SEMA5A: variants seen among roughly 807,000 people sequenced by gnomAD.
The protein encoded by SEMA5A is semaphorin 5A.
Under a neutral mutation model 135.5 loss-of-function variants are expected in SEMA5A, and 55 were observed. The ratio of observed to expected loss-of-function variants is 0.41; its 90% CI spans 0.33 to 0.51. The LOEUF is 0.51. Among genes scored for constraint, SEMA5A ranks in the 20% least tolerant of loss-of-function variants. The pLI is 0.37. For missense variants in SEMA5A, 1,290 were observed against 1,419.9 expected, an observed-to-expected ratio of 0.91 and a Z score of 1.47; for synonymous variants, 580 against 546.5, an observed-to-expected ratio of 1.06 and a Z score of -0.85.
At chr5:9,410,658 T>C (rs1195184198) in intron 2 of SEMA5A, among the ~76,000 whole-genome samples, 2 of 152,022 alleles carry the variant, frequency 1.3e-5, no homozygotes, top group African/African-American at 2.4e-5. Context: ...TAGTTGAACA[T>C]TGAGAACACG....
intron 1 of SEMA5A, among the ~76,000 whole-genome samples, chr5:9,499,821 A>G (rs1049924545): frequency 6.6e-6 from 1 of 152,216 alleles, no homozygotes; most frequent in African/African-American, 2.4e-5. Context: ...TAATAACAAA[A>G]ACCAAACATC....
In SEMA5A at chr5:9,041,508, A is replaced by G. The variant is rs1361853739; in HGVS notation, c.*1389T>C. 6 of 152,312 alleles carry G rather than the reference A, an allele frequency of 3.9e-5. No homozygotes were observed. The highest frequency in any genetic ancestry group is 3.9e-4 in the Admixed American group (6 of 15,302). 9.4% of individuals were successfully genotyped at this position (152,312 alleles called of 1,614,324 possible). Reference sequence around the variant, plus strand: ...ATATTTTTTTCCAGGGACCTCTGTGAATGGTGTTAGCACACTCTTAAATGC... The same window carrying G: ...ATATTTTTTTCCAGGGACCTCTGTGGATGGTGTTAGCACACTCTTAAATGC... On this transcript the variant is annotated 3_prime_UTR_variant, in exon 23 of 23. Coordinates refer to ENST00000382496, the MANE Select transcript of SEMA5A (RefSeq NM_003966.3).
chr5:9,487,364 A>G (rs1734785808), intron 1 of SEMA5A, among the ~76,000 whole-genome samples: 1 of 152,202 alleles, frequency 6.6e-6, no homozygotes, highest in African/African-American at 2.4e-5. Flanking sequence ...ACTGAAGGCC[A>G]GGGAGTTAAA....
intron 1 of SEMA5A, among the ~76,000 whole-genome samples, chr5:9,505,865 GTC>G (rs1195059367): frequency 5.3e-5 from 8 of 152,194 alleles, no homozygotes; most frequent in Non-Finnish European, 1.2e-4. Context: ...AATAGGAATA[GTC>G]TCAAAGTGAG....
intron 2 of SEMA5A, among the ~76,000 whole-genome samples, chr5:9,428,520 T>C (rs1757748527): frequency 6.6e-6 from 1 of 152,184 alleles, no homozygotes; most frequent in Admixed American, 6.5e-5. Flanking sequence ...TTTGAATACC[T>C]CACCTTCCTT....
At chr5:9,223,536 A>G (rs1747120853) in intron 8 of SEMA5A, among the ~76,000 whole-genome samples, 1 of 152,196 alleles carries the variant, frequency 6.6e-6, no homozygotes, top group Non-Finnish European at 1.5e-5. Flanking sequence ...ACATCCTACT[A>G]TGCCAAGGAC....
At chr5:9,478,631 A>G (rs1290422602) in intron 1 of SEMA5A, among the ~76,000 whole-genome samples, 1 of 152,212 alleles carries the variant, frequency 6.6e-6, no homozygotes, top group African/African-American at 2.4e-5. Context: ...TGGGCCCTGT[A>G]GCCCTTGGTT....
chr5:9,264,590 G>A (rs1749582609), intron 5 of SEMA5A, among the ~76,000 whole-genome samples: 1 of 152,088 alleles, frequency 6.6e-6, no homozygotes, highest in Admixed American at 6.6e-5. Flanking sequence ...CTCAGCTTCG[G>A]GGTTCCAGGT....
In SEMA5A at chr5:9,318,388, T is replaced by G; in HGVS notation, c.254A>C (p.Asp85Ala). The part of the protein sequence containing the change: ...RNYLFRLQLE[D>A]LSLIQAVEWE... ...TGCACCTACCTGGATAAGAGACAGA[T>G]CCTCAAGCTGTAACCTGAAGAGGTA... Residue 85 changes from aspartate (D) to alanine (A), a missense_variant, in exon 5 of 23, where the codon GAT becomes GCT. This residue lies in a region of SEMA5A where 116 missense variants were observed against 121.3 expected (regional missense o/e 0.96). Coordinates refer to ENST00000382496, the MANE Select transcript of SEMA5A (RefSeq NM_003966.3). 6.2e-7 allele frequency: 1 copy of G among 1,612,642 alleles called. No homozygotes were observed. Among genetic ancestry groups the G allele is most frequent in the Non-Finnish European group, 8.5e-7 (1 of 1,179,396 alleles).
chr5:9,316,610 AAAAC>A (rs1752399999), intron 5 of SEMA5A, among the ~76,000 whole-genome samples: 1 of 152,208 alleles, frequency 6.6e-6, no homozygotes, highest in African/African-American at 2.4e-5. Flanking sequence ...AAGGTTATCT[AAAAC>A]AATCTTTAAA....
chr5:9,087,769 A>C, intron 16 of SEMA5A, among the ~76,000 whole-genome samples: 1 of 152,172 alleles, frequency 6.6e-6, no homozygotes, highest in East Asian at 1.9e-4. Context: ...TTGCCTAATA[A>C]GGTGGGATGT....
At chr5:9,515,661 G>A (rs552782942) in intron 1 of SEMA5A, among the ~76,000 whole-genome samples, 2 of 152,284 alleles carry the variant, frequency 1.3e-5, no homozygotes, top group South Asian at 4.1e-4. Context: ...CAGCTAACCT[G>A]ATAGTCCCCG....
intron 9 of SEMA5A, among the ~76,000 whole-genome samples, chr5:9,200,515 A>C (rs1255706073): frequency 6.6e-6 from 1 of 152,244 alleles, no homozygotes; most frequent in Non-Finnish European, 1.5e-5. Flanking sequence ...AAAGAAAATC[A>C]ACTTCAGAAA....
chr5:9,231,427 A>G (rs1747623107), intron 6 of SEMA5A, among the ~76,000 whole-genome samples: 2 of 122,606 alleles, frequency 1.6e-5, no homozygotes, highest in Non-Finnish European at 3.2e-5. Context: ...AGATGGCGCC[A>G]CTGCACTCCA....
intron 21 of SEMA5A, among the ~76,000 whole-genome samples, chr5:9,045,476 A>G (rs1190585897): frequency 6.6e-5 from 10 of 152,350 alleles, no homozygotes; most frequent in African/African-American, 2.4e-4. Context: ...ATTAGAAAGT[A>G]CAAAAGGGTC....
chr5:9,398,646 C>T (rs887987621), intron 2 of SEMA5A, among the ~76,000 whole-genome samples: 40 of 152,200 alleles, frequency 2.6e-4, no homozygotes, highest in Non-Finnish European at 4.0e-4. Context: ...CCCTTCTGCC[C>T]TTCAGATGAA....
chr5:9,400,265 T>C (rs1191624567), intron 2 of SEMA5A, among the ~76,000 whole-genome samples: 1 of 152,170 alleles, frequency 6.6e-6, no homozygotes, highest in East Asian at 1.9e-4. Flanking sequence ...CCACAGCATA[T>C]GTATACCTAT....
chr5:9,347,299 C>A (rs556821386), intron 3 of SEMA5A, among the ~76,000 whole-genome samples: 1 of 152,328 alleles, frequency 6.6e-6, no homozygotes, highest in East Asian at 1.9e-4. Context: ...GTTGCATTAA[C>A]ACATAGTATA....
At chr5:9,257,946 T>C (rs948299863) in intron 5 of SEMA5A, among the ~76,000 whole-genome samples, 7 of 151,966 alleles carry the variant, frequency 4.6e-5, no homozygotes, top group African/African-American at 1.5e-4. Context: ...GGTGTTAGGG[T>C]GTTTTGTTTC....
Sources: allele counts gnomAD v4.1 joint callset (sites outside exome capture counted in the v4.1 genomes callset), GRCh38; gene constraint gnomAD v4.1.1; regional missense constraint gnomAD v4.1.1; transcripts MANE v1.5; gene names NCBI Gene and HGNC (gene_info 2026-07-23, HGNC 2026-07-21).